Variants in AK8 observed in about 807,000 individuals in gnomAD.
AK8 encodes adenylate kinase 8, also known as ATP-AMP transphosphorylase 8.
AK8 carries 44 observed loss-of-function variants against 54.6 expected under a neutral mutation model. That is an observed-to-expected ratio of 0.81 (90% CI 0.63 to 1.04). The LOEUF (loss-of-function observed/expected upper bound fraction) is 1.04. Ranked by LOEUF, AK8 falls within the 50% of genes least tolerant of loss-of-function variation. AK8 has a pLI of 0.00. For synonymous variants in AK8, 239 were observed against 245.6 expected (o/e 0.97, Z 0.25); for missense variants, 555 against 613.6 (o/e 0.90, Z 1.01).
At chr9:132,877,674 T>TG (rs1564453282) in intron 1 of AK8, 4 of 361,792 alleles carry the variant, frequency 1.1e-5, no homozygotes, top group Non-Finnish European at 2.2e-5. Flanking sequence ...GGGACCAAGG[T>TG]GGGAGATGCT....
chr9:132,852,116 A>C (rs777042155), intron 5 of AK8, among the ~76,000 whole-genome samples: 5 of 152,232 alleles, frequency 3.3e-5, no homozygotes, highest in Non-Finnish European at 7.3e-5. Context: ...TAAAAAAACA[A>C]GGGAAGATTC....
intron 11 of AK8, among the ~76,000 whole-genome samples, chr9:132,775,292 A>C (rs1839164256): frequency 1.3e-5 from 2 of 152,018 alleles, no homozygotes; most frequent in Non-Finnish European, 2.9e-5. Context: ...GTGTCTGTTT[A>C]TTTTATTTTT....
rs993208815 is a variant in AK8, at chr9:132,826,614, A to C, written c.757+240T>G. Among the ~76,000 whole-genome samples the C allele has an allele frequency of 6.6e-6, 1 of 151,964 alleles. No homozygotes were observed. Among genetic ancestry groups the C allele is most frequent in the Non-Finnish European group, 1.5e-5 (1 of 67,988 alleles). ...GACCACCAAATCTGCTGTGGGCCAGAGATGTGACCACATCTGAGTGTGGGA... is the reference window on the plus strand; with the variant it reads ...GACCACCAAATCTGCTGTGGGCCAGCGATGTGACCACATCTGAGTGTGGGA... On this transcript the variant is annotated intron_variant, in intron 8 of 12. Coordinates refer to ENST00000298545, the MANE Select transcript of AK8 (RefSeq NM_152572.3). This position sits in a 1 kb window ranked among gnomAD's most constrained non-coding sequence, Gnocchi z 4.5.
In AK8 at chr9:132,792,732, G is replaced by T. The variant is rs1209055789; in HGVS notation, c.1023C>A (p.Asp341Glu). The T allele has an allele frequency of 3.9e-6, 6 of 1,558,290 alleles. No homozygotes were observed. The highest frequency in any genetic ancestry group is 4.3e-6 in the Non-Finnish European group (5 of 1,151,364). Reference sequence around the variant, plus strand: ...AGCCTTTCTGGATGCAGTCCTGCTGGTCCAGGCGCTGGCTCAGCACCTTCA... The same window carrying T: ...AGCCTTTCTGGATGCAGTCCTGCTGTTCCAGGCGCTGGCTCAGCACCTTCA... ...LLMKVLSQRL[D>E]QQDCIQKGWV... The change falls in exon 11 of 13, where the codon GAC becomes GAA. Residue 341 changes from aspartate (D) to glutamate (E), a missense_variant. Physicochemically the swap from Asp to Glu is conservative, Grantham distance 45. Coordinates refer to ENST00000298545, the MANE Select transcript of AK8 (RefSeq NM_152572.3).
intron 11 of AK8, among the ~76,000 whole-genome samples, chr9:132,753,776 G>A (rs896796343): frequency 3.9e-5 from 6 of 152,224 alleles, no homozygotes; most frequent in African/African-American, 9.6e-5. Context: ...GTGCTCTCAC[G>A]CCCCATCCCT....
intron 9 of AK8, 59 bp downstream of exon 9, chr9:132,823,146 G>T: frequency 1.3e-6 from 2 of 1,491,754 alleles, no homozygotes; most frequent in South Asian, 1.4e-5. Context: ...CTGGGGAGGA[G>T]GGGCAGGAGG....
intron 5 of AK8, among the ~76,000 whole-genome samples, chr9:132,835,209 A>T (rs2771989): frequency 0.72 from 109,502 of 151,794 alleles, 40,370 homozygotes; most frequent in South Asian, 0.86. Context: ...GTTAAAAAAA[A>T]TTTAAATTCC....
At position 132,769,213 on chromosome 9, in the gene AK8, A is replaced by ACCCTG. The variant is rs1306658278; in HGVS notation, c.1121+23416_1121+23420dup. ...AGCCGTCCTGCACAGTCCAGGCACC[A>ACCCTG]CCCTGCCCTGCCACTGCCTGGCGGG... On this transcript the variant is annotated intron_variant, in intron 11 of 12. Transcript: ENST00000298545. 2.0e-5 allele frequency: 3 copies of ACCCTG among 152,212 alleles called. No homozygotes were observed. In the East Asian group the frequency reaches 5.8e-4, roughly 29 times the overall value. The allele number at this position is 152,212 out of a possible 1,614,324, so 9.4% of individuals were successfully genotyped here. A position where few individuals can be genotyped will look rare whatever the true frequency, so the allele number is the denominator to read the frequency against.
chr9:132,798,470 C>T (rs183625526), intron 10 of AK8, among the ~76,000 whole-genome samples: 149 of 152,326 alleles, frequency 9.8e-4, no homozygotes, highest in African/African-American at 3.4e-3. Context: ...CCTTTCTCCT[C>T]CTCTCAGACA....
chr9:132,789,553 T>C, intron 11 of AK8, among the ~76,000 whole-genome samples: 1 of 118,966 alleles, frequency 8.4e-6, no homozygotes, highest in African/African-American at 3.3e-5. Context: ...ACAGAGATCA[T>C]GCCACTGCAC....
intron 2 of AK8, among the ~76,000 whole-genome samples, chr9:132,872,478 G>A (rs1190374761): frequency 6.6e-6 from 1 of 152,052 alleles, no homozygotes; most frequent in Admixed American, 6.5e-5. Context: ...TTTTTTTTTA[G>A]ATAGAGTCTT....
At position 132,803,063 on chromosome 9, in the gene AK8, C is replaced by G. The variant is rs532866061; in HGVS notation, c.980-10288G>C. Among the ~76,000 whole-genome samples the G allele has an allele frequency of 1.3e-5, 2 of 152,112 alleles. No individual in the cohort carries two copies. Among genetic ancestry groups the G allele is most frequent in the Non-Finnish European group, 2.9e-5 (2 of 68,026 alleles). ...AGCAAACACGTCCTTCTTCACATAG[C>G]GGCAGCCAGGAGAGGTGCAGAGCGA... On this transcript the variant is annotated intron_variant, in intron 10 of 12. Transcript: ENST00000298545. The surrounding 1 kb of genome is among the most constrained non-coding windows in gnomAD (Gnocchi z 4.4).
chr9:132,825,772 G>T (rs951289988), intron 8 of AK8, among the ~76,000 whole-genome samples: 1 of 152,164 alleles, frequency 6.6e-6, no homozygotes, highest in Non-Finnish European at 1.5e-5. Context: ...CCACTTCCCC[G>T]GCAAAACAGG....
chr9:132,876,937 A>G (rs1364102219), intron 1 of AK8, among the ~76,000 whole-genome samples: 1 of 151,976 alleles, frequency 6.6e-6, no homozygotes, highest in African/African-American at 2.4e-5. Context: ...GGTGGCCTGC[A>G]CCTGTAGTCT....
intron 4 of AK8, among the ~76,000 whole-genome samples, chr9:132,856,721 A>G (rs1041470339): frequency 6.6e-6 from 1 of 152,196 alleles, no homozygotes; most frequent in Non-Finnish European, 1.5e-5. Flanking sequence ...CCACCAGCTC[A>G]GAAGCTGAGA....
chr9:132,853,471 T>C (rs1843051016), intron 5 of AK8, among the ~76,000 whole-genome samples: 1 of 151,954 alleles, frequency 6.6e-6, no homozygotes. Context: ...TTTGAATGAC[T>C]GTGGATTTTT....
At chr9:132,748,424 AC>A (rs1837755888) in intron 11 of AK8, among the ~76,000 whole-genome samples, 1 of 151,666 alleles carries the variant, frequency 6.6e-6, no homozygotes, top group African/African-American at 2.4e-5. Flanking sequence ...ACGACCTTTC[AC>A]CCAGGTGCCA....
intron 11 of AK8, among the ~76,000 whole-genome samples, chr9:132,767,941 C>T (rs150596152): frequency 8.9e-4 from 136 of 152,170 alleles, no homozygotes; most frequent in African/African-American, 3.2e-3. Flanking sequence ...ATGATGGTTA[C>T]CAGAGGCTGG....
intron 9 of AK8, among the ~76,000 whole-genome samples, chr9:132,821,807 GTATGTATATACAAATATATACATA>G (rs1841654636): frequency 9.8e-6 from 1 of 102,246 alleles, no homozygotes; most frequent in Non-Finnish European, 2.1e-5. Context: ...ACATATATGT[GTATGTATATACAAATATATACATA>G]TATGTGTATG....
Sources: allele counts gnomAD v4.1 joint callset (sites outside exome capture counted in the v4.1 genomes callset), GRCh38; gene constraint gnomAD v4.1.1; non-coding constraint Gnocchi (gnomAD v3.1); transcripts MANE v1.5; gene names NCBI Gene and HGNC (gene_info 2026-07-23, HGNC 2026-07-21).